Variants in NHEJ1 observed in about 807,000 individuals in gnomAD.
NHEJ1 encodes the protein non-homologous end joining factor 1.
In NHEJ1, 22 loss-of-function variants were observed where a neutral mutation model predicts 39.4. The ratio of observed to expected loss-of-function variants is 0.56; its 90% CI spans 0.40 to 0.80. The LOEUF (loss-of-function observed/expected upper bound fraction) is 0.80. Ranked by LOEUF, NHEJ1 falls within the 30% of genes least tolerant of loss-of-function variation. NHEJ1 has a pLI of 0.00. For missense variants in NHEJ1, 329 were observed against 357.1 expected (o/e 0.92, Z 0.63); for synonymous variants, 154 against 135.6 (o/e 1.14, Z -0.94).
chr2:219,107,552 T>C (rs1358420426), intron 5 of NHEJ1, among the ~76,000 whole-genome samples: 1 of 152,194 alleles, frequency 6.6e-6, no homozygotes, highest in Non-Finnish European at 1.5e-5. Context: ...ACTGGCATCG[T>C]GGGGACAGAG....
intron 5 of NHEJ1, among the ~76,000 whole-genome samples, chr2:219,090,347 C>T (rs547814552): frequency 6.6e-6 from 1 of 152,152 alleles, no homozygotes; most frequent in Non-Finnish European, 1.5e-5. Flanking sequence ...GATATTACTG[C>T]CTGCACTATG....
chr2:219,146,641 G>A, intron 5 of NHEJ1, 39 bp downstream of exon 5: 1 of 1,521,758 alleles, frequency 6.6e-7, no homozygotes, highest in Non-Finnish European at 9.1e-7. Flanking sequence ...GAAAGAGGAA[G>A]TAGGGCAAAG....
chr2:219,156,769 T>C lies in NHEJ1; in HGVS notation c.390+703A>G, dbSNP rs139853594. Reference sequence around the variant, plus strand: ...ATGAGATAATGTTTAGAAAGGTATCTAACACTGGTACATATTCTATTCTGT... The same window carrying C: ...ATGAGATAATGTTTAGAAAGGTATCCAACACTGGTACATATTCTATTCTGT... On this transcript the variant is annotated intron_variant, in intron 3 of 7. Coordinates refer to ENST00000356853, the MANE Select transcript of NHEJ1 (RefSeq NM_024782.3). Among the ~76,000 whole-genome samples the C allele has an allele frequency of 1.9e-3, 289 of 152,374 alleles. 1 individual carries two copies. Among genetic ancestry groups the C allele is most frequent in the African/African-American group, 6.3e-3 (260 of 41,584 alleles).
At chr2:219,123,543 T>C (rs906893837) in intron 5 of NHEJ1, among the ~76,000 whole-genome samples, 3 of 152,176 alleles carry the variant, frequency 2.0e-5, no homozygotes, top group African/African-American at 7.2e-5. Context: ...GCCCTGGGTC[T>C]AAGTTCAAAA....
intron 5 of NHEJ1, chr2:219,102,438 G>T (rs1172834631): frequency 1.3e-5 from 2 of 152,090 alleles, no homozygotes; most frequent in African/African-American, 4.8e-5. Context: ...AAACTTGCTG[G>T]GTGCAGCGTG....
intron 5 of NHEJ1, among the ~76,000 whole-genome samples, chr2:219,082,746 T>C (rs554176125): frequency 6.6e-6 from 1 of 152,260 alleles, no homozygotes; most frequent in Admixed American, 6.5e-5. Context: ...GCACTGACCA[T>C]CACAACATCA....
At position 219,076,321 on chromosome 2, in the gene NHEJ1, C is replaced by A. The variant is rs1949013179; in HGVS notation, c.*60G>T. 4 of 1,613,962 alleles carry A rather than the reference C, an allele frequency of 2.5e-6. No homozygotes were observed. The highest frequency in any genetic ancestry group is 2.5e-6 in the Non-Finnish European group (3 of 1,179,984). On this transcript the variant is annotated 3_prime_UTR_variant, in exon 8 of 8. Transcript: ENST00000356853. ...ATATTGCTGCCATGTAAGCTTCTTT[C>A]AAGGTGAAGCTTGGAAGCTGTTCTC...
chr2:219,158,390 A>T (rs1319192511), intron 1 of NHEJ1, 28 bp from the exon 2 acceptor site: 2 of 1,612,052 alleles, frequency 1.2e-6, no homozygotes, highest in East Asian at 2.2e-5. Context: ...TTTAGTAAAG[A>T]GCCTCAGGGT....
chr2:219,131,258 A>G (rs1174450883), intron 5 of NHEJ1, among the ~76,000 whole-genome samples: 1 of 152,198 alleles, frequency 6.6e-6, no homozygotes, highest in East Asian at 1.9e-4. Flanking sequence ...GACTCTATAC[A>G]TTGCGGGGGT....
intron 5 of NHEJ1, among the ~76,000 whole-genome samples, chr2:219,135,417 G>A (rs985994597): frequency 4.6e-5 from 7 of 151,790 alleles, no homozygotes; most frequent in Non-Finnish European, 1.0e-4. Flanking sequence ...GACCAGCCTG[G>A]CCAACACGGT....
chr2:219,152,135 T>C (rs1949802325), intron 3 of NHEJ1, among the ~76,000 whole-genome samples: 1 of 152,204 alleles, frequency 6.6e-6, no homozygotes, highest in Admixed American at 6.5e-5. Flanking sequence ...AGATATCTAC[T>C]GGGTTCCTAA....
chr2:219,070,905 T>C lies in NHEJ1; in HGVS notation c.*5476A>G, dbSNP rs910827384. 6.6e-6 allele frequency among the ~76,000 whole-genome samples: 1 copy of C among 152,226 alleles called. No homozygotes were observed. The highest frequency in any genetic ancestry group is 1.9e-4 in the East Asian group (1 of 5,204). On this transcript the variant is annotated 3_prime_UTR_variant, in exon 8 of 8. Transcript: ENST00000356853. ...CACACCGTTATTAGTATTGCTGTTA[T>C]CTATGAAACAAAATCTAAATTATTA...
At chr2:219,099,862 T>C (rs1268463452) in intron 5 of NHEJ1, among the ~76,000 whole-genome samples, 2 of 152,096 alleles carry the variant, frequency 1.3e-5, no homozygotes, top group African/African-American at 4.8e-5. Context: ...AAAGAAGATT[T>C]TGCTGATTAT....
At chr2:219,093,558 C>T (rs1013476675) in intron 5 of NHEJ1, among the ~76,000 whole-genome samples, 2 of 152,138 alleles carry the variant, frequency 1.3e-5, no homozygotes, top group African/African-American at 4.8e-5. Context: ...AGATGTAGAT[C>T]TGGGGCCACT....
chr2:219,127,409 G>A (rs1488262089), intron 5 of NHEJ1, among the ~76,000 whole-genome samples: 1 of 152,080 alleles, frequency 6.6e-6, no homozygotes, highest in African/African-American at 2.4e-5. Flanking sequence ...TTATGATGTG[G>A]CAAGTCCTTT....
intron 1 of NHEJ1, among the ~76,000 whole-genome samples, chr2:219,159,590 T>TATATATATGCATATATATGA (rs1559206423): frequency 9.8e-6 from 1 of 102,204 alleles, no homozygotes; most frequent in African/African-American, 4.1e-5. Flanking sequence ...TATATATGCA[T>TATATATATGCATATATATGA]ATATATATAT....
chr2:219,097,057 G>T (rs1949215617), intron 5 of NHEJ1, among the ~76,000 whole-genome samples: 1 of 152,134 alleles, frequency 6.6e-6, no homozygotes, highest in African/African-American at 2.4e-5. Context: ...TAGATATTCA[G>T]GGATATTCAA....
intron 5 of NHEJ1, among the ~76,000 whole-genome samples, chr2:219,086,727 A>T (rs1347772835): frequency 6.6e-6 from 1 of 151,344 alleles, no homozygotes; most frequent in Non-Finnish European, 1.5e-5. Context: ...TGGTAAAGGG[A>T]GTGGAAGTGA....
chr2:219,114,618 A>ATTT (rs1949394139), intron 5 of NHEJ1, among the ~76,000 whole-genome samples: 1 of 152,178 alleles, frequency 6.6e-6, no homozygotes, highest in Admixed American at 6.5e-5. Flanking sequence ...AACAAGAAGG[A>ATTT]CGAGAAGGGG....
Sources: allele counts gnomAD v4.1 joint callset (sites outside exome capture counted in the v4.1 genomes callset), GRCh38; gene constraint gnomAD v4.1.1; transcripts MANE v1.5; gene names NCBI Gene and HGNC (gene_info 2026-07-23, HGNC 2026-07-21).